CDH8: variants seen among roughly 807,000 people sequenced by gnomAD.
CDH8 encodes the protein cadherin-8.
Under a neutral mutation model 68.1 loss-of-function variants are expected in CDH8, and 17 were observed. That is an observed-to-expected ratio of 0.25 (90% CI 0.17 to 0.37). The LOEUF (loss-of-function observed/expected upper bound fraction) is 0.37. Among genes scored for constraint, CDH8 ranks in the 10% least tolerant of loss-of-function variants. CDH8 has a pLI of 1.00. For missense variants in CDH8, 763 were observed against 999.3 expected, an observed-to-expected ratio of 0.76 and a Z score of 3.19; for synonymous variants, 372 against 365.1, an observed-to-expected ratio of 1.02 and a Z score of -0.21.
chr16:61,796,453 A>T (rs1961503379), intron 7 of CDH8, among the ~76,000 whole-genome samples: 1 of 152,072 alleles, frequency 6.6e-6, no homozygotes, highest in South Asian at 2.1e-4. Flanking sequence ...CTTCTCATTA[A>T]CACAATGGGA....
intron 3 of CDH8, among the ~76,000 whole-genome samples, chr16:61,873,894 T>C (rs200580630): frequency 6.6e-6 from 1 of 151,956 alleles, no homozygotes; most frequent in Non-Finnish European, 1.5e-5. Context: ...TGTCTCTACT[T>C]AAAATACAAA....
At chr16:61,770,553 C>G (rs1264926909) in intron 8 of CDH8, among the ~76,000 whole-genome samples, 1 of 151,822 alleles carries the variant, frequency 6.6e-6, no homozygotes, top group African/African-American at 2.4e-5. Flanking sequence ...TGAAAGAGAC[C>G]AAGATCAACA....
intron 2 of CDH8, among the ~76,000 whole-genome samples, chr16:61,947,107 A>G (rs535500626): frequency 6.6e-6 from 1 of 152,312 alleles, no homozygotes; most frequent in East Asian, 1.9e-4. Context: ...AGACTGATCA[A>G]AAAACAGTGT....
At chr16:61,706,507 G>T (rs1052966827) in intron 10 of CDH8, among the ~76,000 whole-genome samples, 1 of 151,594 alleles carries the variant, frequency 6.6e-6, no homozygotes, top group Non-Finnish European at 1.5e-5. Context: ...TGTAGTCCCG[G>T]CTACTCAGGA....
intron 3 of CDH8, among the ~76,000 whole-genome samples, chr16:61,885,013 A>G (rs1963647992): frequency 6.6e-6 from 1 of 152,220 alleles, no homozygotes; most frequent in African/African-American, 2.4e-5. Context: ...GATCAACAAG[A>G]TAAACGAATA....
At chr16:61,703,201 G>A (rs1964465032) in intron 10 of CDH8, among the ~76,000 whole-genome samples, 1 of 152,092 alleles carries the variant, frequency 6.6e-6, no homozygotes, top group African/African-American at 2.4e-5. Flanking sequence ...ATTCTTTGGG[G>A]AAATTATATA....
At chr16:61,812,416 A>C (rs184249515) in intron 7 of CDH8, among the ~76,000 whole-genome samples, 64 of 152,278 alleles carry the variant, frequency 4.2e-4, no homozygotes, top group African/African-American at 1.5e-3. Flanking sequence ...TTGACCTCCT[A>C]CTCTGCCTGC....
chr16:61,849,489 G>A (rs945099501), intron 4 of CDH8, among the ~76,000 whole-genome samples: 8 of 152,122 alleles, frequency 5.3e-5, no homozygotes, highest in South Asian at 2.1e-4. Context: ...GACTCCACAT[G>A]TAACAGAATT....
At chr16:61,995,563 G>C (rs1965793317) in intron 2 of CDH8, among the ~76,000 whole-genome samples, 1 of 152,080 alleles carries the variant, frequency 6.6e-6, no homozygotes, top group Non-Finnish European at 1.5e-5. Flanking sequence ...ATTTTTAGTA[G>C]AGACAGAGTT....
At chr16:61,716,507 A>G (rs1964733157) in intron 9 of CDH8, among the ~76,000 whole-genome samples, 1 of 151,724 alleles carries the variant, frequency 6.6e-6, no homozygotes, top group Non-Finnish European at 1.5e-5. Context: ...TAACTCAGCA[A>G]TCTGTATTTC....
intron 2 of CDH8, among the ~76,000 whole-genome samples, chr16:61,989,221 A>G (rs1379031624): frequency 1.3e-5 from 2 of 152,190 alleles, no homozygotes; most frequent in African/African-American, 4.8e-5. Flanking sequence ...AAATTTCACA[A>G]ATTTGTATTC....
chr16:61,699,593 G>A (rs1964385487), intron 10 of CDH8, among the ~76,000 whole-genome samples: 1 of 151,460 alleles, frequency 6.6e-6, no homozygotes, highest in African/African-American at 2.4e-5. Context: ...ATTCTATTTT[G>A]AGACAGGGTC....
rs187316578 is a variant in CDH8, at chr16:61,653,983, C to T, written c.2025G>A (p.Glu675=). The change falls in exon 12 of 12, where the codon GAG becomes GAA. Residue 675 remains glutamate (E), a synonymous_variant. Coordinates refer to ENST00000577390, the MANE Select transcript of CDH8 (RefSeq NM_001796.5). ...IRYDDEGGGE[E]DTEAFDIATL... ...TTGCAATGTCAAAAGCCTCTGTGTCCTCCTCCCCTCCTCCTTCATCATCGT... is the reference window on the plus strand; with the variant it reads ...TTGCAATGTCAAAAGCCTCTGTGTCTTCCTCCCCTCCTCCTTCATCATCGT... The T allele has an allele frequency of 3.7e-4, 598 of 1,614,038 alleles. 5 individuals are homozygous for T. In the East Asian group the frequency reaches 0.012, roughly 33 times the overall value.
At position 62,014,868 on chromosome 16, in the gene CDH8, G is replaced by T. The variant is rs989665655; in HGVS notation, c.252+6284C>A. On this transcript the variant is annotated intron_variant, in intron 2 of 11. Transcript: ENST00000577390. ...AAGTTTATGTAAGAGAGAGGATTTA[G>T]TATAGAAGAACTATGACCACCTGCA... 2.6e-5 allele frequency among the ~76,000 whole-genome samples: 4 copies of T among 152,002 alleles called. No homozygotes were observed. In the East Asian group the frequency reaches 5.8e-4, roughly 22 times the overall value.
At chr16:61,995,598 C>T (rs1965793847) in intron 2 of CDH8, among the ~76,000 whole-genome samples, 1 of 152,158 alleles carries the variant, frequency 6.6e-6, no homozygotes, top group Non-Finnish European at 1.5e-5. Flanking sequence ...AGGATGGTCT[C>T]AGTCTCCTAA....
intron 7 of CDH8, among the ~76,000 whole-genome samples, chr16:61,801,489 C>T (rs933791102): frequency 1.3e-5 from 2 of 152,272 alleles, no homozygotes; most frequent in African/African-American, 4.8e-5. Context: ...GGAACAGCTC[C>T]GGTCTACAGC....
At chr16:61,821,593 T>A (rs1252455185) in intron 5 of CDH8, among the ~76,000 whole-genome samples, 1 of 152,050 alleles carries the variant, frequency 6.6e-6, no homozygotes, top group Non-Finnish European at 1.5e-5. Context: ...TTAGACCATT[T>A]TTGATAAAAT....
intron 3 of CDH8, among the ~76,000 whole-genome samples, chr16:61,872,518 T>C (rs1597032570): frequency 6.6e-6 from 1 of 152,354 alleles, no homozygotes; most frequent in African/African-American, 2.4e-5. Context: ...AATGCCTGGA[T>C]TACTTTAAGT....
intron 2 of CDH8, among the ~76,000 whole-genome samples, chr16:61,914,348 G>A (rs187113776): frequency 5.8e-4 from 88 of 152,274 alleles, no homozygotes; most frequent in African/African-American, 1.9e-3. Context: ...AATGATGGCT[G>A]CAGTTTGCAG....
Sources: gnomAD v4.1 joint callset for allele counts (sites outside exome capture counted in the v4.1 genomes callset) on GRCh38, gnomAD v4.1.1 for gene constraint, MANE v1.5 for transcripts, NCBI Gene and HGNC (gene_info 2026-07-23, HGNC 2026-07-21) for gene names.